The following TMEM132D variants were observed in gnomAD, a reference collection of about 807,000 sequenced individuals.
TMEM132D encodes transmembrane protein 132D.
TMEM132D carries 21 observed loss-of-function variants against 62.3 expected under a neutral mutation model. The observed-to-expected ratio is 0.34, with a 90% CI of 0.24 to 0.49. The LOEUF (loss-of-function observed/expected upper bound fraction) is 0.49, where lower values mean the gene tolerates loss of function less well. Ranked by LOEUF, TMEM132D falls within the 20% of genes least tolerant of loss-of-function variation. The pLI, the probability that TMEM132D is intolerant of heterozygous loss-of-function variation, is 0.99. For missense variants in TMEM132D, 1,346 were observed against 1,402.8 expected (o/e 0.96, Z 0.65); for synonymous variants, 621 against 575.6 (o/e 1.08, Z -1.13).
intron 5 of TMEM132D, among the ~76,000 whole-genome samples, chr12:129,116,979 C>A: frequency 7.5e-6 from 1 of 133,260 alleles, no homozygotes; most frequent in African/African-American, 2.8e-5. Context: ...CAGCTTCATT[C>A]ATAATTGCCA....
At chr12:129,534,043 C>T (rs1566101525) in intron 2 of TMEM132D, among the ~76,000 whole-genome samples, 1 of 152,150 alleles carries the variant, frequency 6.6e-6, no homozygotes, top group Non-Finnish European at 1.5e-5. Flanking sequence ...CCATTTGGAA[C>T]CATTAAAGTA....
rs571236581 is a variant in TMEM132D, at chr12:129,779,852, G to A, written c.80-79154C>T. Among the ~76,000 whole-genome samples, 133 of 152,166 alleles carry A rather than the reference G, an allele frequency of 8.7e-4. No individual in the cohort carries two copies. Among genetic ancestry groups the A allele is most frequent in the African/African-American group, 3.1e-3 (128 of 41,512 alleles). ...CAGAGAGAAATGAACTGAGCTGCGA[G>A]GACAATAATTAAAAGAATCTGCAGG... is the stretch of plus-strand genomic sequence containing the variant. On this transcript the variant is annotated intron_variant, in intron 1 of 8. Transcript: ENST00000422113. This position sits in a 1 kb window ranked among gnomAD's most constrained non-coding sequence, Gnocchi z 4.1.
rs189488558 is a variant in TMEM132D, at chr12:129,497,081, G to A, written c.1115+33978C>T. 1.8e-3 allele frequency among the ~76,000 whole-genome samples: 280 copies of A among 152,312 alleles called. 2 individuals carry two copies. Among genetic ancestry groups the A allele is most frequent in the South Asian group, 1.5e-3 (7 of 4,820 alleles). On this transcript the variant is annotated intron_variant, in intron 3 of 8. Transcript: ENST00000422113. ...CCAGCACTTTGAGAGGCTGAGACGG[G>A]TGGATCACCTGAGGTCAGCAGTTGG...
At chr12:129,294,908 TATTGTG>T (rs1277485770) in intron 4 of TMEM132D, among the ~76,000 whole-genome samples, 2 of 152,246 alleles carry the variant, frequency 1.3e-5, no homozygotes, top group Non-Finnish European at 2.9e-5. Flanking sequence ...AATCATTTCC[TATTGTG>T]ATGGTTCATT....
rs1305765819 is a variant in TMEM132D at position 129,816,351 on chromosome 12, TG to T, written c.79+86909del. ...TTATACACAATAAATTCTGGTGAAG[TG>T]GAACCGGGAGGAGTATGAGATCCAC... On this transcript the variant is annotated intron_variant, in intron 1 of 8. Transcript: ENST00000422113. 2.8e-4 allele frequency among the ~76,000 whole-genome samples: 43 copies of T among 152,320 alleles called. 1 individual carries two copies. Among genetic ancestry groups the T allele is most frequent in the African/African-American group, 9.1e-4 (38 of 41,550 alleles).
intron 5 of TMEM132D, among the ~76,000 whole-genome samples, chr12:129,195,970 T>C (rs1878537999): frequency 1.3e-5 from 2 of 152,062 alleles, no homozygotes; most frequent in Non-Finnish European, 1.5e-5. Flanking sequence ...CTACCAAAAA[T>C]ACAAAAATTA....
In TMEM132D at chr12:129,699,815, C is replaced by T. The variant is rs777841853; in HGVS notation, c.963G>A (p.Thr321=). ...GACATTGGGAAACGACTTACCTCAA[C>T]GTGAAGCGATCTTCAGTGGAATTTC... ...ISRNSTEDRF[T]LRAKVKKGVN... The change falls in exon 2 of 9, where the codon ACG becomes ACA. Residue 321 remains threonine, a synonymous_variant. Coordinates refer to ENST00000422113, the MANE Select transcript of TMEM132D (RefSeq NM_133448.3). The T allele has an allele frequency of 9.9e-6, 16 of 1,613,602 alleles. No homozygotes were observed. Among genetic ancestry groups the T allele is most frequent in the Non-Finnish European group, 1.2e-5 (14 of 1,179,820 alleles).
chr12:129,504,043 GTCA>G lies in TMEM132D; in HGVS notation c.1115+27013_1115+27015del, dbSNP rs202238840. Among the ~76,000 whole-genome samples the G allele has an allele frequency of 4.8e-4, 72 of 150,430 alleles. 1 individual carries two copies. In the East Asian group the frequency reaches 6.0e-3, roughly 13 times the overall value. On this transcript the variant is annotated intron_variant, in intron 3 of 8. Transcript: ENST00000422113. ...CATCACTATTGTCATCATCATTACT[GTCA>G]TCATCATCATTGTCATCATCACCAT...
chr12:129,723,526 C>T (rs997715223), intron 1 of TMEM132D, among the ~76,000 whole-genome samples: 4 of 152,134 alleles, frequency 2.6e-5, no homozygotes, highest in African/African-American at 9.7e-5. Context: ...TCGGATATTT[C>T]TCTCCCCTCC....
At chr12:129,252,126 A>C (rs536436184) in intron 4 of TMEM132D, among the ~76,000 whole-genome samples, 1 of 152,378 alleles carries the variant, frequency 6.6e-6, no homozygotes, top group African/African-American at 2.4e-5. Flanking sequence ...ATCTGGATCT[A>C]CATGAGTAGT....
intron 3 of TMEM132D, among the ~76,000 whole-genome samples, chr12:129,513,548 G>A (rs961682142): frequency 1.3e-5 from 2 of 151,930 alleles, no homozygotes; most frequent in African/African-American, 2.4e-5. Flanking sequence ...GCAGTGGCGC[G>A]ATCTCGGCTC....
chr12:129,450,941 T>G (rs1338903498), intron 3 of TMEM132D, among the ~76,000 whole-genome samples: 1 of 151,608 alleles, frequency 6.6e-6, no homozygotes, highest in Non-Finnish European at 1.5e-5. Context: ...TTTTTGTAAT[T>G]TTAGTAAAGA....
intron 3 of TMEM132D, among the ~76,000 whole-genome samples, chr12:129,342,206 TG>T (rs1281686189): frequency 6.6e-6 from 1 of 152,168 alleles, no homozygotes; most frequent in Admixed American, 6.5e-5. Context: ...CAAAACAGCA[TG>T]GTACTGGTAC....
intron 4 of TMEM132D, among the ~76,000 whole-genome samples, chr12:129,219,297 G>T (rs1194521767): frequency 6.6e-6 from 1 of 152,160 alleles, no homozygotes; most frequent in Non-Finnish European, 1.5e-5. Context: ...CCCTGCACAA[G>T]CTCTCTTGCC....
At chr12:129,218,189 T>C (rs1283116838) in intron 4 of TMEM132D, among the ~76,000 whole-genome samples, 1 of 152,214 alleles carries the variant, frequency 6.6e-6, no homozygotes. Flanking sequence ...TTTAAATTCA[T>C]CCTCTGAGAG....
intron 3 of TMEM132D, among the ~76,000 whole-genome samples, chr12:129,484,297 T>C (rs948841485): frequency 2.0e-5 from 3 of 152,170 alleles, no homozygotes; most frequent in Non-Finnish European, 2.9e-5. Flanking sequence ...TTCTAAAATC[T>C]TGGGCACTTG....
At chr12:129,225,475 G>A (rs967139068) in intron 4 of TMEM132D, among the ~76,000 whole-genome samples, 2 of 152,118 alleles carry the variant, frequency 1.3e-5, no homozygotes, top group Admixed American at 6.5e-5. Flanking sequence ...CTTTGGACTC[G>A]GGTGGCCTGT....
intron 3 of TMEM132D, among the ~76,000 whole-genome samples, chr12:129,477,856 A>G (rs1405250399): frequency 2.0e-5 from 3 of 152,018 alleles, no homozygotes; most frequent in Non-Finnish European, 4.4e-5. Flanking sequence ...ACATACACAC[A>G]CACATATACA....
intron 5 of TMEM132D, among the ~76,000 whole-genome samples, chr12:129,146,124 A>G (rs1441240267): frequency 6.6e-6 from 1 of 151,706 alleles, no homozygotes; most frequent in African/African-American, 2.4e-5. Flanking sequence ...CAACTCTGTC[A>G]GTGGTGTTCC....
Sources: gnomAD v4.1 joint callset for allele counts (sites outside exome capture counted in the v4.1 genomes callset) on GRCh38, gnomAD v4.1.1 for gene constraint, Gnocchi (gnomAD v3.1) non-coding constraint, MANE v1.5 for transcripts, NCBI Gene and HGNC (gene_info 2026-07-23, HGNC 2026-07-21) for gene names.